Variants in PLEC observed in about 807,000 individuals in gnomAD.
The protein encoded by PLEC is hemidesmosomal protein 1.
A neutral mutation model predicts 392.8 loss-of-function variants in PLEC; 216 were observed. The observed-to-expected ratio is 0.55, with a 90% CI of 0.49 to 0.62. PLEC has a LOEUF of 0.62. PLEC is among the 20% of genes least tolerant of loss of function. The probability of loss-of-function intolerance (pLI) is 0.00; values close to 1 mark genes in which losing one functional copy is unlikely to be tolerated. For synonymous variants in PLEC, 3,621 were observed against 2,980.6 expected (o/e 1.21, Z -7.00); for missense variants, 6,863 against 6,563.4 (o/e 1.05, Z -1.58).
upstream of PLEC, among the ~76,000 whole-genome samples, chr8:143,951,872 C>G (rs115499578): frequency 3.5e-4 from 53 of 152,114 alleles, no homozygotes; most frequent in South Asian, 1.5e-3. Flanking sequence ...TCCACCCCCC[C>G]CTCCCCGCCC....
In PLEC at chr8:143,925,140, G is replaced by T; in HGVS notation, c.4789C>A (p.Gln1597Lys). ...TGTGCCACAGCCACGTGTTCCTCCT[G>T]CAGGGAGCGCTCCAGCTGTGCCGTC... ...EKTAQLERSL[Q>K]EEHVAVAQLR... The change falls in exon 31 of 32, where the codon CAG (glutamine) becomes AAG (lysine). Residue 1597 changes from glutamine to lysine, a missense_variant. Physicochemically the swap from Gln to Lys is moderately conservative, Grantham distance 53. Transcript: ENST00000345136. The T allele has an allele frequency of 6.4e-7, 1 of 1,558,262 alleles. No individual in the cohort carries two copies.
intron 2 of PLEC, 80 bp from the exon 3 acceptor site, chr8:143,938,320 T>C (rs1829614169): frequency 2.0e-6 from 3 of 1,536,142 alleles, no homozygotes; most frequent in African/African-American, 2.7e-5. Context: ...ACAGAGTGGG[T>C]GCTGGTCCCA....
At chr8:143,965,507 C>T (rs1321254623) in intron 1 of PLEC, among the ~76,000 whole-genome samples, 3 of 152,064 alleles carry the variant, frequency 2.0e-5, no homozygotes, top group Non-Finnish European at 4.4e-5. Context: ...GCTCTCCCAG[C>T]CCCGCATCTC....
In PLEC at chr8:143,919,811, GT is replaced by G. The variant is rs782620113; in HGVS notation, c.10009del (p.Thr3337ArgfsTer44). On this transcript the variant is annotated frameshift_variant, in exon 32 of 32. Transcript: ENST00000345136. LOFTEE classifies it high-confidence loss of function. ...QFEQLKDGKT[T>X]VKDLSELGSV... Reference sequence around the variant, plus strand: ...GCCCAGCTCCGAAAGGTCCTTGACCGTCGTCTTGCCGTCCTTGAGCTGCTCA... The same window carrying G: ...GCCCAGCTCCGAAAGGTCCTTGACCGCGTCTTGCCGTCCTTGAGCTGCTCA... The G allele has an allele frequency of 6.2e-7, 1 of 1,612,904 alleles. No homozygotes were observed. Among genetic ancestry groups the G allele is most frequent in the Non-Finnish European group, 8.5e-7 (1 of 1,180,026 alleles).
rs781897093 is a variant in PLEC, at chr8:143,932,729, G to A, written c.1738-17C>T. Reference sequence around the variant, plus strand: ...GAGCTGGCCCTGCAACAGATGAGACGGTGAGGTCTGCAGTGGCTGGGCCCG... The same window carrying A: ...GAGCTGGCCCTGCAACAGATGAGACAGTGAGGTCTGCAGTGGCTGGGCCCG... On this transcript the variant is annotated splice_polypyrimidine_tract_variant and intron_variant, in intron 14 of 31. Coordinates refer to ENST00000345136, the MANE Select transcript of PLEC (RefSeq NM_201384.3). 21 of 1,607,334 alleles carry A rather than the reference G, an allele frequency of 1.3e-5. No individual in the cohort carries two copies. The highest frequency in any genetic ancestry group is 6.7e-5 in the East Asian group (3 of 44,452).
In PLEC at chr8:143,927,763, G is replaced by C. The variant is rs782216798; in HGVS notation, c.3403C>G (p.Leu1135Val). 1.2e-5 allele frequency: 19 copies of C among 1,600,842 alleles called. No individual in the cohort carries two copies. The highest frequency in any genetic ancestry group is 1.5e-5 in the Non-Finnish European group (18 of 1,174,096). Reference protein sequence around the residue: ...LEATKASLKKLRAQAEAQQPT... With the variant: ...LEATKASLKKVRAQAEAQQPT... The stretch of plus-strand genomic sequence containing the variant: ...TGCTGTGCCTCGGCCTGGGCCCGCA[G>C]CTTCTGTTGGGGACAGGAGGGACAT... The change falls in exon 27 of 32, where the codon CTG (leucine) becomes GTG (valine). Residue 1135 changes from leucine (L) to valine (V), a missense_variant. Physicochemically the swap from Leu to Val is conservative, Grantham distance 32 (BLOSUM62 1). Coordinates refer to ENST00000345136, the MANE Select transcript of PLEC (RefSeq NM_201384.3).
At chr8:143,961,439 T>C (rs1832867983) in intron 1 of PLEC, among the ~76,000 whole-genome samples, 1 of 152,204 alleles carries the variant, frequency 6.6e-6, no homozygotes, top group Non-Finnish European at 1.5e-5. Flanking sequence ...TTGGTTAGGC[T>C]GGTCTCGTAC....
rs1342699585 is a variant in PLEC, at chr8:143,958,966, A to G, written c.70+14437T>C. Among the ~76,000 whole-genome samples the G allele has an allele frequency of 6.6e-6, 1 of 152,246 alleles. No individual in the cohort carries two copies. The highest frequency in any genetic ancestry group is 1.5e-5 in the Non-Finnish European group (1 of 68,046). On this transcript the variant is annotated intron_variant, in intron 1 of 31. Coordinates refer to the PLEC transcript ENST00000356346. The surrounding 1 kb of genome is among the most constrained non-coding windows in gnomAD (Gnocchi z 4.9). ...ACTTCACTAGCAGATTAAAGGAGAA[A>G]ACCGGTATATTGATCTAGAAAATCT...
intron 1 of PLEC, among the ~76,000 whole-genome samples, chr8:143,946,130 G>A (rs971633927): frequency 7.9e-5 from 12 of 152,222 alleles, no homozygotes; most frequent in Non-Finnish European, 1.3e-4. Flanking sequence ...GGCTGGCAGC[G>A]GGCAGTTCTT....
chr8:143,952,071 G>C (rs1192143258), upstream of PLEC, among the ~76,000 whole-genome samples: 2 of 152,164 alleles, frequency 1.3e-5, no homozygotes, highest in African/African-American at 2.4e-5. Context: ...TGGGAGAGAG[G>C]GGGGATCCCG....
At position 143,921,831 on chromosome 8, in the gene PLEC, G is replaced by C; in HGVS notation, c.7990C>G (p.Leu2664Val). ...AACCGCTGCAGCTCCTCCGCACTCAGGATGCCGGCCTCCTGCAGCCTCTGA... is the reference window on the plus strand; with the variant it reads ...AACCGCTGCAGCTCCTCCGCACTCACGATGCCGGCCTCCTGCAGCCTCTGA... Reference protein sequence around the residue: ...SAQRLQEAGILSAEELQRLAQ... With the variant: ...SAQRLQEAGIVSAEELQRLAQ... Residue 2664 changes from leucine (L) to valine (V), a missense_variant, in exon 32 of 32, where the codon CTG becomes GTG. Coordinates refer to ENST00000345136, the MANE Select transcript of PLEC (RefSeq NM_201384.3). The C allele has an allele frequency of 6.2e-7, 1 of 1,606,926 alleles. No individual in the cohort carries two copies. Among genetic ancestry groups the C allele is most frequent in the African/African-American group, 1.3e-5 (1 of 75,058 alleles).
At chr8:143,974,166 GAA>G (rs1379502963), upstream of PLEC, among the ~76,000 whole-genome samples, 5 of 152,306 alleles carry the variant, frequency 3.3e-5, no homozygotes, top group East Asian at 9.7e-4. The surrounding 1 kb of genome is among the most constrained non-coding windows in gnomAD (Gnocchi z 5.9). Context: ...CCGCTTCCAG[GAA>G]TCGGTCCTAA....
chr8:143,950,902 G>A (rs997236437), upstream of PLEC: 13 of 1,189,614 alleles, frequency 1.1e-5, no homozygotes, highest in African/African-American at 1.9e-4. Context: ...GTGGCGCCTG[G>A]CTCCGTGCAA....
rs1554684277 is a variant in PLEC, at chr8:143,921,169, G to C, written c.8652C>G (p.Leu2884=). 15 of 1,613,860 alleles carry C rather than the reference G, an allele frequency of 9.3e-6. No homozygotes were observed. Among genetic ancestry groups the C allele is most frequent in the Non-Finnish European group, 1.2e-5 (14 of 1,180,030 alleles). Residue 2884 remains leucine (L), a synonymous_variant, in exon 32 of 32, where the codon CTC becomes CTG. Coordinates refer to ENST00000345136, the MANE Select transcript of PLEC (RefSeq NM_201384.3). The part of the protein sequence containing the change: ...DPETGLCLLP[L]TDKAAKGGEL... ...CCCCGCCCTTGGCAGCCTTATCCGT[G>C]AGTGGCAGAAGGCACAGGCCCGTCT...
chr8:143,933,392 C>T, intron 12 of PLEC, 41 bp from the exon 13 acceptor site: 2 of 1,602,778 alleles, frequency 1.2e-6, no homozygotes, highest in South Asian at 1.1e-5. Context: ...AGCTGATCCC[C>T]CTCTGACCTC....
At chr8:143,975,184 G>A, upstream of PLEC, 3 of 1,599,628 alleles carry the variant, frequency 1.9e-6, no homozygotes, top group African/African-American at 4.0e-5. This position sits in a 1 kb window ranked among gnomAD's most constrained non-coding sequence, Gnocchi z 9.9. Context: ...TACCTGCGAT[G>A]CGAATGACCG....
In PLEC at chr8:143,916,249, G is replaced by A. The variant is rs925687208; in HGVS notation, c.13572C>T (p.Ser4524=). The A allele has an allele frequency of 6.5e-7, 1 of 1,547,580 alleles. No individual in the cohort carries two copies. Among genetic ancestry groups the A allele is most frequent in the African/African-American group, 1.4e-5 (1 of 72,878 alleles). ...AGGCGTAGCGGCGGCCGTAGCCCGA[G>A]GAGGAGTAGGAGGATGAAGAGAAGG... The part of the protein sequence containing the change: ...SMTFSSSSYS[S]SGYGRRYASG... The change falls in exon 32 of 32, where the codon TCC becomes TCT. Residue 4524 remains serine, a synonymous_variant. Coordinates refer to ENST00000345136, the MANE Select transcript of PLEC (RefSeq NM_201384.3).
At position 143,927,561 on chromosome 8, in the gene PLEC, A is replaced by G; in HGVS notation, c.3605T>C (p.Leu1202Pro). ...ACGCAGCTGGCGGCCCAGTTGCTCG[A>G]GCTCGCGCTGCCGCACGTCGGTCTG... ...LAQTDVRQRE[L>P]EQLGRQLRYY... Residue 1202 changes from leucine (L) to proline (P), a missense_variant, in exon 27 of 32, where the codon CTC becomes CCC. Physicochemically the swap from Leu to Pro is moderately conservative, Grantham distance 98. Transcript: ENST00000345136. 6.3e-7 allele frequency: 1 copy of G among 1,593,574 alleles called. No individual in the cohort carries two copies. Among genetic ancestry groups the G allele is most frequent in the Non-Finnish European group, 8.5e-7 (1 of 1,177,470 alleles).
Position 143,925,129 on chromosome 8 carries a change from G to T in PLEC, c.4800C>A (p.His1600Gln). The stretch of plus-strand genomic sequence containing the variant: ...CCTCCCGCAGCTGTGCCACAGCCAC[G>T]TGTTCCTCCTGCAGGGAGCGCTCCA... ...AQLERSLQEE[H>Q]VAVAQLREEA... Residue 1600 changes from histidine (H) to glutamine (Q), a missense_variant, in exon 31 of 32, where the codon CAC becomes CAA. Transcript: ENST00000345136. 6.4e-7 allele frequency: 1 copy of T among 1,558,776 alleles called. No individual in the cohort carries two copies. Among genetic ancestry groups the T allele is most frequent in the African/African-American group, 1.4e-5 (1 of 73,904 alleles).
Sources: allele counts gnomAD v4.1 joint callset (sites outside exome capture counted in the v4.1 genomes callset), GRCh38; gene constraint gnomAD v4.1.1; non-coding constraint Gnocchi (gnomAD v3.1); transcripts MANE v1.5; gene names NCBI Gene and HGNC (gene_info 2026-07-23, HGNC 2026-07-21).